The following PRKCB variants were observed in gnomAD, a reference collection of about 807,000 sequenced individuals.
PRKCB encodes the protein protein kinase C beta, also known as protein kinase C beta type.
In PRKCB, 13 loss-of-function variants were observed where a neutral mutation model predicts 81.5. The observed-to-expected ratio is 0.16, with a 90% CI of 0.10 to 0.25. The LOEUF (loss-of-function observed/expected upper bound fraction) is 0.25, where lower values mean the gene tolerates loss of function less well. Ranked by LOEUF, PRKCB falls within the 10% of genes least tolerant of loss-of-function variation. The pLI is 1.00. For synonymous variants in PRKCB, 335 were observed against 321.4 expected (o/e 1.04, Z -0.45); for missense variants, 509 against 875.7 (o/e 0.58, Z 5.29).
chr16:23,943,073 C>G (rs1246458337), intron 2 of PRKCB, among the ~76,000 whole-genome samples: 1 of 152,160 alleles, frequency 6.6e-6, no homozygotes, highest in Non-Finnish European at 1.5e-5. Context: ...GAGGCAATGC[C>G]ATGGACAGGG....
chr16:24,205,130 T>A (rs1968024124), intron 16 of PRKCB, among the ~76,000 whole-genome samples: 1 of 148,318 alleles, frequency 6.7e-6, no homozygotes, highest in Admixed American at 6.7e-5. Flanking sequence ...AAAAAAAAAA[T>A]TATTATTATA....
intron 5 of PRKCB, among the ~76,000 whole-genome samples, chr16:24,056,177 T>A (rs777196324): frequency 3.9e-5 from 6 of 152,242 alleles, no homozygotes; most frequent in Non-Finnish European, 5.9e-5. Flanking sequence ...CTTTTCCTCT[T>A]TGAAGCTGCC....
intron 5 of PRKCB, among the ~76,000 whole-genome samples, chr16:24,076,665 C>T (rs374625664): frequency 5.3e-5 from 8 of 152,156 alleles, no homozygotes; most frequent in East Asian, 1.9e-4. Context: ...CAAACCTCAA[C>T]GTATTACCTT....
Position 23,999,658 on chromosome 16 carries a change from G to C in PRKCB, c.288+11068G>C, listed in dbSNP as rs979585724. Among the ~76,000 whole-genome samples, 15 of 152,326 alleles carry C rather than the reference G, an allele frequency of 9.8e-5. No individual in the cohort carries two copies. The East Asian group carries it at 2.9e-3, about 29-fold the overall frequency. ...ATCTGTCTCTTGTACCTCTTAGAGA[G>C]ACCAGGTCTCTGGTACTGTCATAAG... On this transcript the variant is annotated intron_variant, in intron 3 of 16. Coordinates refer to ENST00000643927, the MANE Select transcript of PRKCB (RefSeq NM_002738.7).
intron 2 of PRKCB, among the ~76,000 whole-genome samples, chr16:23,945,719 T>C (rs1279216570): frequency 7.9e-6 from 1 of 125,790 alleles, no homozygotes; most frequent in East Asian, 2.3e-4. Context: ...GTTGGCTCTC[T>C]GGTAAAAAAG....
chr16:24,136,504 C>T (rs890543598), intron 9 of PRKCB, among the ~76,000 whole-genome samples: 9 of 152,124 alleles, frequency 5.9e-5, no homozygotes, highest in Admixed American at 2.6e-4. Flanking sequence ...TAGGGGGGCC[C>T]CCAGCCTGTC....
chr16:24,061,210 A>G (rs1230824883), intron 5 of PRKCB, among the ~76,000 whole-genome samples: 2 of 151,994 alleles, frequency 1.3e-5, no homozygotes, highest in East Asian at 3.9e-4. Context: ...ACAGGTGTGC[A>G]TCACCACACC....
At chr16:23,978,181 A>T (rs74657899) in intron 2 of PRKCB, among the ~76,000 whole-genome samples, 3,545 of 152,244 alleles carry the variant, frequency 0.023, 141 homozygotes, top group African/African-American at 0.079. Context: ...AGAACTTTTT[A>T]AAAAAATCCT....
intron 8 of PRKCB, among the ~76,000 whole-genome samples, chr16:24,123,409 T>C (rs1966825062): frequency 6.6e-6 from 1 of 152,098 alleles, no homozygotes; most frequent in East Asian, 1.9e-4. Context: ...AGCACCTCGA[T>C]CTTTACCCTG....
chr16:24,157,331 C>T (rs1029217395), intron 10 of PRKCB, among the ~76,000 whole-genome samples: 1 of 152,086 alleles, frequency 6.6e-6, no homozygotes, highest in Non-Finnish European at 1.5e-5. Flanking sequence ...CCCCATATGT[C>T]GTGGGAGGGA....
intron 3 of PRKCB, among the ~76,000 whole-genome samples, chr16:24,020,784 T>C (rs12922749): frequency 0.68 from 103,566 of 152,030 alleles, 35,777 homozygotes; most frequent in South Asian, 0.81. Flanking sequence ...CTTGTAAATG[T>C]CCAGGGATGA....
chr16:24,042,393 C>CAGTTCT (rs1965710544), intron 5 of PRKCB, among the ~76,000 whole-genome samples: 1 of 136,418 alleles, frequency 7.3e-6, no homozygotes, highest in Non-Finnish European at 1.6e-5. Flanking sequence ...AGATAGGGCC[C>CAGTTCT]AGTTCTGGTA....
rs374445233 is a variant in PRKCB, at chr16:23,957,554, A to G, written c.206-30954A>G. On this transcript the variant is annotated intron_variant, in intron 2 of 16. Transcript: ENST00000643927. ...CAAGCTCCAGTGTTTACTGGGGGCC[A>G]GTGCCCTTATTCCCACGTGAAGCAT... Among the ~76,000 whole-genome samples the G allele has an allele frequency of 2.2e-3, 332 of 152,332 alleles. 3 individuals carry two copies. The highest frequency in any genetic ancestry group is 7.6e-3 in the African/African-American group (314 of 41,580).
intron 2 of PRKCB, among the ~76,000 whole-genome samples, chr16:23,954,985 A>G (rs1217672675): frequency 6.6e-6 from 1 of 152,212 alleles, no homozygotes; most frequent in Non-Finnish European, 1.5e-5. Context: ...AAGCTGTGGC[A>G]TAAGAGACAA....
chr16:23,908,325 T>A (rs1241176094), intron 2 of PRKCB, among the ~76,000 whole-genome samples: 1 of 151,862 alleles, frequency 6.6e-6, no homozygotes, highest in African/African-American at 2.4e-5. Flanking sequence ...AGTGGGTGAA[T>A]GGGGGTTTTA....
chr16:24,180,704 A>G (rs1967606160), intron 12 of PRKCB, 86 bp from the exon 13 acceptor site: 11 of 1,474,802 alleles, frequency 7.5e-6, no homozygotes, highest in Non-Finnish European at 9.3e-6. Context: ...CACCTAACAC[A>G]GTGTTTTATG....
At chr16:23,907,169 CT>C (rs1436947493) in intron 2 of PRKCB, among the ~76,000 whole-genome samples, 1 of 152,210 alleles carries the variant, frequency 6.6e-6, no homozygotes, top group East Asian at 1.9e-4. Flanking sequence ...CCAGTATTAA[CT>C]TCACCCTGAT....
rs757200847 is a variant in PRKCB at position 24,191,169 on chromosome 16, G to A, written c.1802G>A (p.Arg601Gln). ...ERDIKEHAFFRYIDWEKLERK... is the reference protein window; with the variant it reads ...ERDIKEHAFFQYIDWEKLERK... Reference sequence around the variant, plus strand: ...GATATCAAAGAGCATGCATTTTTCCGGTATATTGATTGGGAGAAACTTGAA... The same window carrying A: ...GATATCAAAGAGCATGCATTTTTCCAGTATATTGATTGGGAGAAACTTGAA... The change falls in exon 16 of 17, where the codon CGG (arginine) becomes CAG (glutamine). Residue 601 changes from arginine (R) to glutamine (Q), a missense_variant. Transcript: ENST00000643927. The A allele has an allele frequency of 5.0e-6, 8 of 1,613,900 alleles. No homozygotes were observed. Among genetic ancestry groups the A allele is most frequent in the African/African-American group, 4.0e-5 (3 of 74,874 alleles).
intron 2 of PRKCB, among the ~76,000 whole-genome samples, chr16:23,873,966 G>A (rs1409955519): frequency 6.6e-6 from 1 of 151,678 alleles, no homozygotes; most frequent in African/African-American, 2.4e-5. Context: ...AAATCACTCG[G>A]TCACTTCCCG....
Sources: gnomAD v4.1 joint callset for allele counts (sites outside exome capture counted in the v4.1 genomes callset) on GRCh38, gnomAD v4.1.1 for gene constraint, MANE v1.5 for transcripts, NCBI Gene and HGNC (gene_info 2026-07-23, HGNC 2026-07-21) for gene names.